Variants in SBF2 observed in about 807,000 individuals in gnomAD.
SBF2 encodes the protein SET binding factor 2.
SBF2 carries 112 observed loss-of-function variants against 225.2 expected under a neutral mutation model. The observed-to-expected ratio is 0.50, with a 90% CI of 0.43 to 0.58. The LOEUF is 0.58. Among genes scored for constraint, SBF2 ranks in the 20% least tolerant of loss-of-function variants. SBF2 has a pLI of 0.00. For missense variants in SBF2, 1,996 were observed against 2,206.2 expected (o/e 0.90, Z 1.91); for synonymous variants, 763 against 773.3 (o/e 0.99, Z 0.22).
intron 1 of SBF2, among the ~76,000 whole-genome samples, chr11:10,282,080 G>C (rs528930709): frequency 1.3e-5 from 2 of 152,238 alleles, no homozygotes; most frequent in South Asian, 2.1e-4. Flanking sequence ...TATAATGTTC[G>C]AAAGTTATCC....
At chr11:10,211,953 T>C (rs117496921) in intron 1 of SBF2, among the ~76,000 whole-genome samples, 304 of 152,334 alleles carry the variant, frequency 2.0e-3, no homozygotes, top group Non-Finnish European at 3.6e-3. Flanking sequence ...AAGCAGCTTA[T>C]GATAATACAC....
At chr11:10,097,047 A>G (rs1952052304) in intron 2 of SBF2, among the ~76,000 whole-genome samples, 1 of 152,232 alleles carries the variant, frequency 6.6e-6, no homozygotes, top group Non-Finnish European at 1.5e-5. Flanking sequence ...TTAAAATTTT[A>G]TCAACAATGT....
At chr11:9,805,825 T>C (rs563084764) in intron 32 of SBF2, among the ~76,000 whole-genome samples, 15 of 152,266 alleles carry the variant, frequency 9.9e-5, no homozygotes, top group African/African-American at 2.9e-4. Flanking sequence ...GGTTTCACCA[T>C]GTTGGCCAGG....
chr11:10,275,622 T>TAA (rs200932203), intron 1 of SBF2, among the ~76,000 whole-genome samples: 2 of 137,818 alleles, frequency 1.5e-5, no homozygotes, highest in Non-Finnish European at 3.2e-5. Context: ...TTCATTAATT[T>TAA]AAAAAAAAAA....
chr11:9,809,637 C>T (rs1230129584), intron 30 of SBF2, among the ~76,000 whole-genome samples: 3 of 151,714 alleles, frequency 2.0e-5, no homozygotes, highest in South Asian at 2.1e-4. Context: ...CTCTGCCCCC[C>T]GGGTTCAAGC....
At chr11:10,007,304 T>C (rs1270557636) in intron 6 of SBF2, among the ~76,000 whole-genome samples, 1 of 152,160 alleles carries the variant, frequency 6.6e-6, no homozygotes, top group Non-Finnish European at 1.5e-5. Context: ...GATGGGTAAC[T>C]GCATCTTCAT....
intron 3 of SBF2, among the ~76,000 whole-genome samples, chr11:10,037,726 T>A (rs926663615): frequency 6.6e-6 from 1 of 151,644 alleles, no homozygotes; most frequent in Non-Finnish European, 1.5e-5. Flanking sequence ...TCTCTCTATG[T>A]CTTCTACAAT....
At chr11:10,205,020 A>AG (rs1443443842) in intron 1 of SBF2, among the ~76,000 whole-genome samples, 1 of 139,362 alleles carries the variant, frequency 7.2e-6, no homozygotes, top group East Asian at 2.2e-4. Flanking sequence ...GGGAGGTGGG[A>AG]GGGGGGAGGC....
chr11:10,223,400 TA>T (rs756278033), intron 1 of SBF2, among the ~76,000 whole-genome samples: 11,995 of 28,526 alleles, frequency 0.42, 1,073 homozygotes, highest in Middle Eastern at 0.45. Context: ...TTTTGCACAT[TA>T]TATATATATA....
Position 10,301,850 on chromosome 11 carries a change from T to C in SBF2, n.386+2642A>G, listed in dbSNP as rs563572455. ...TGAAACACCATTACGCAAAAACCCT[T>C]TAGCATATGTGTATGTGTGTCTCCC... On this transcript the variant is annotated intron_variant and non_coding_transcript_variant, in intron 1 of 5. Coordinates refer to the SBF2 transcript ENST00000685217. 1.6e-4 allele frequency among the ~76,000 whole-genome samples: 25 copies of C among 152,324 alleles called. No homozygotes were observed. In the South Asian group the frequency reaches 5.2e-3, roughly 32 times the overall value.
At chr11:10,228,653 T>C (rs1371791311) in intron 1 of SBF2, among the ~76,000 whole-genome samples, 2 of 152,206 alleles carry the variant, frequency 1.3e-5, no homozygotes, top group Non-Finnish European at 2.9e-5. Context: ...ACCAGCCTTG[T>C]ATCCCAGGGA....
intron 1 of SBF2, among the ~76,000 whole-genome samples, chr11:10,241,178 C>G (rs1456713008): frequency 2.0e-5 from 3 of 152,046 alleles, no homozygotes; most frequent in Non-Finnish European, 4.4e-5. Flanking sequence ...CGGTGAAACT[C>G]CATCTCTACT....
At chr11:10,236,269 T>C (rs540431602) in intron 1 of SBF2, among the ~76,000 whole-genome samples, 1 of 152,188 alleles carries the variant, frequency 6.6e-6, no homozygotes, top group East Asian at 1.9e-4. Flanking sequence ...CTGGGCAACA[T>C]AGTAAGATCC....
At chr11:9,967,371 C>CAAAA (rs35271700) in intron 14 of SBF2, among the ~76,000 whole-genome samples, 1 of 103,786 alleles carries the variant, frequency 9.6e-6, no homozygotes, top group Non-Finnish European at 2.0e-5. Flanking sequence ...GACTCCGTCT[C>CAAAA]AAAAAAAAAA....
intron 2 of SBF2, among the ~76,000 whole-genome samples, chr11:10,051,980 A>T (rs1456472264): frequency 6.6e-6 from 1 of 152,158 alleles, no homozygotes; most frequent in Non-Finnish European, 1.5e-5. Flanking sequence ...AACAATGAGG[A>T]TGTGGACATT....
At chr11:10,049,876 T>A (rs1043522538) in intron 2 of SBF2, among the ~76,000 whole-genome samples, 1 of 152,194 alleles carries the variant, frequency 6.6e-6, no homozygotes, top group East Asian at 1.9e-4. Context: ...ATCCTTTTAC[T>A]TTCTCTCAAC....
intron 12 of SBF2, among the ~76,000 whole-genome samples, chr11:9,991,371 T>C (rs1379396634): frequency 6.6e-6 from 1 of 152,170 alleles, no homozygotes; most frequent in Non-Finnish European, 1.5e-5. Context: ...TGTGAATACT[T>C]CACTATCTTT....
chr11:9,798,966 C>A (rs1317750326), intron 32 of SBF2, among the ~76,000 whole-genome samples: 44 of 122,220 alleles, frequency 3.6e-4, no homozygotes, highest in East Asian at 1.1e-3. Flanking sequence ...AAAAAAAAAA[C>A]CAAAAAACAA....
At chr11:9,930,545 A>G (rs1864413531) in intron 16 of SBF2, among the ~76,000 whole-genome samples, 1 of 152,210 alleles carries the variant, frequency 6.6e-6, no homozygotes, top group Non-Finnish European at 1.5e-5. Flanking sequence ...TTTTGGGGAT[A>G]ATAAATTGGT....
Sources: gnomAD v4.1 joint callset for allele counts (sites outside exome capture counted in the v4.1 genomes callset) on GRCh38, gnomAD v4.1.1 for gene constraint, MANE v1.5 for transcripts, NCBI Gene and HGNC (gene_info 2026-07-23, HGNC 2026-07-21) for gene names.